The following APBB2 variants were observed in gnomAD, a reference collection of about 807,000 sequenced individuals.
APBB2 encodes amyloid beta precursor protein binding family B member 2, also known as Fe65-like 1.
Under a neutral mutation model 82.5 loss-of-function variants are expected in APBB2, and 38 were observed. The ratio of observed to expected loss-of-function variants is 0.46; its 90% CI spans 0.36 to 0.60. APBB2 has a LOEUF of 0.60. Ranked by LOEUF, APBB2 falls within the 20% of genes least tolerant of loss-of-function variation. APBB2 has a pLI of 0.00. For missense variants in APBB2, 772 were observed against 972.3 expected, an observed-to-expected ratio of 0.79 and a Z score of 2.74; for synonymous variants, 341 against 368.2, an observed-to-expected ratio of 0.93 and a Z score of 0.85.
chr4:40,859,626 G>A (rs1171775408), intron 12 of APBB2, among the ~76,000 whole-genome samples: 2 of 152,142 alleles, frequency 1.3e-5, no homozygotes, highest in African/African-American at 4.8e-5. Flanking sequence ...CTTCAAAAAC[G>A]AAAATCACAA....
intron 2 of APBB2, among the ~76,000 whole-genome samples, chr4:41,121,549 C>A (rs569804688): frequency 6.6e-5 from 10 of 152,290 alleles, no homozygotes; most frequent in Admixed American, 1.3e-4. Context: ...GCAGCTAAGA[C>A]TCCTGAGGTG....
chr4:41,211,208 T>G (rs1022236206), intron 1 of APBB2, among the ~76,000 whole-genome samples: 1 of 151,734 alleles, frequency 6.6e-6, no homozygotes, highest in Non-Finnish European at 1.5e-5. Flanking sequence ...TGAGCCAAGA[T>G]CGCGCCACTA....
intron 6 of APBB2, among the ~76,000 whole-genome samples, chr4:40,983,299 C>G (rs1294874863): frequency 6.6e-6 from 1 of 152,204 alleles, no homozygotes; most frequent in African/African-American, 2.4e-5. Flanking sequence ...TCAGAACAGA[C>G]ACCAGAGCAA....
At chr4:41,081,863 G>C (rs1737756206) in intron 3 of APBB2, among the ~76,000 whole-genome samples, 1 of 152,216 alleles carries the variant, frequency 6.6e-6, no homozygotes, top group Non-Finnish European at 1.5e-5. Flanking sequence ...ACTAAGGAAA[G>C]TATAAATTGG....
intron 4 of APBB2, among the ~76,000 whole-genome samples, chr4:41,064,474 G>A (rs1731002307): frequency 6.6e-6 from 1 of 152,184 alleles, no homozygotes. Context: ...CCCTGACTTG[G>A]AGCCAAAATT....
chr4:41,196,475 C>T, intron 1 of APBB2, among the ~76,000 whole-genome samples: 3 of 152,106 alleles, frequency 2.0e-5, no homozygotes, highest in African/African-American at 7.2e-5. Context: ...TCCATTATCA[C>T]CATTTTGCTG....
chr4:40,945,125 G>C, intron 6 of APBB2, 52 bp from the exon 7 acceptor site: 1 of 1,388,398 alleles, frequency 7.2e-7, no homozygotes, highest in Non-Finnish European at 1.0e-6. Flanking sequence ...TTTATTAAAA[G>C]AATGTCAGCA....
intron 3 of APBB2, among the ~76,000 whole-genome samples, chr4:41,090,398 G>A (rs899592848): frequency 6.6e-6 from 1 of 152,106 alleles, no homozygotes; most frequent in African/African-American, 2.4e-5. Context: ...TCTCTCCTAT[G>A]GGTATGCCAA....
intron 10 of APBB2, among the ~76,000 whole-genome samples, chr4:40,931,537 T>A (rs1312139845): frequency 6.6e-6 from 1 of 152,210 alleles, no homozygotes; most frequent in Non-Finnish European, 1.5e-5. Context: ...CAAGCCACTG[T>A]ACCAGCTTGC....
At chr4:41,094,421 C>T (rs141460137) in intron 3 of APBB2, among the ~76,000 whole-genome samples, 17 of 152,328 alleles carry the variant, frequency 1.1e-4, no homozygotes, top group Admixed American at 1.1e-3. Flanking sequence ...CTTTAACCAT[C>T]AGTCCAAACA....
chr4:41,008,150 C>A (rs1160277565), intron 6 of APBB2, among the ~76,000 whole-genome samples: 1 of 152,196 alleles, frequency 6.6e-6, no homozygotes, highest in Non-Finnish European at 1.5e-5. Flanking sequence ...TATTTAGCCT[C>A]TGTGGTAAAA....
chr4:41,027,825 G>T (rs1190905177), intron 5 of APBB2, among the ~76,000 whole-genome samples: 1 of 152,192 alleles, frequency 6.6e-6, no homozygotes, highest in East Asian at 1.9e-4. Context: ...CATAAAGGTG[G>T]TTCTCTTGGA....
intron 2 of APBB2, among the ~76,000 whole-genome samples, chr4:41,111,905 G>A (rs752051352): frequency 7.9e-5 from 12 of 152,244 alleles, no homozygotes; most frequent in Non-Finnish European, 1.2e-4. Flanking sequence ...GAAAGAATCC[G>A]TTCAGTTGGA....
At chr4:41,056,433 G>A (rs1323368110) in intron 4 of APBB2, among the ~76,000 whole-genome samples, 1 of 152,138 alleles carries the variant, frequency 6.6e-6, no homozygotes, top group Non-Finnish European at 1.5e-5. Context: ...AGACCATTGT[G>A]TCCTGTTGGA....
chr4:41,173,549 T>G (rs1470708010), intron 1 of APBB2, among the ~76,000 whole-genome samples: 1 of 152,180 alleles, frequency 6.6e-6, no homozygotes, highest in Admixed American at 6.5e-5. Flanking sequence ...ACATTCTAGG[T>G]GCACATAACA....
At chr4:41,097,992 A>G (rs567524056) in intron 3 of APBB2, among the ~76,000 whole-genome samples, 2 of 152,084 alleles carry the variant, frequency 1.3e-5, no homozygotes, top group East Asian at 3.9e-4. Flanking sequence ...TTTAATAAAT[A>G]TCAGAAAAGA....
intron 12 of APBB2, chr4:40,881,270 A>G (rs1299605711): frequency 1.0e-6 from 1 of 984,966 alleles, no homozygotes; most frequent in African/African-American, 1.8e-5. Context: ...TCCCTGAGGC[A>G]AGACAGCACA....
intron 6 of APBB2, among the ~76,000 whole-genome samples, chr4:40,951,066 T>G (rs1056051318): frequency 6.6e-6 from 1 of 152,098 alleles, no homozygotes; most frequent in Non-Finnish European, 1.5e-5. Flanking sequence ...GGTAAAACTA[T>G]AAAGAAATGC....
chr4:40,953,325 A>G (rs1790730198), intron 6 of APBB2, among the ~76,000 whole-genome samples: 1 of 150,760 alleles, frequency 6.6e-6, no homozygotes, highest in African/African-American at 2.4e-5. Flanking sequence ...GATTCTACAG[A>G]GACCTGAGAA....
Sources: allele counts gnomAD v4.1 joint callset (sites outside exome capture counted in the v4.1 genomes callset), GRCh38; gene constraint gnomAD v4.1.1; transcripts MANE v1.5; gene names NCBI Gene and HGNC (gene_info 2026-07-23, HGNC 2026-07-21).